Variants in CCSER2 observed in about 807,000 individuals in gnomAD.
CCSER2 encodes serine-rich coiled-coil domain-containing protein 2.
CCSER2 carries 46 observed loss-of-function variants against 92.3 expected under a neutral mutation model. The ratio of observed to expected loss-of-function variants is 0.50; its 90% CI spans 0.39 to 0.64. The LOEUF (loss-of-function observed/expected upper bound fraction) is 0.64, where lower values mean the gene tolerates loss of function less well. Among genes scored for constraint, CCSER2 ranks in the 30% least tolerant of loss-of-function variants. The pLI is 0.00. For synonymous variants in CCSER2, 433 were observed against 431.4 expected, an observed-to-expected ratio of 1.00 and a Z score of -0.04; for missense variants, 1,244 against 1,238.9, an observed-to-expected ratio of 1.00 and a Z score of -0.06.
intron 1 of CCSER2, among the ~76,000 whole-genome samples, chr10:84,337,930 C>T (rs942791075): frequency 1.3e-5 from 2 of 152,166 alleles, no homozygotes; most frequent in Non-Finnish European, 2.9e-5. Context: ...AAGGTGAACA[C>T]TGAGTAGTTA....
intron 3 of CCSER2, 143 bp from the exon 4 acceptor site, chr10:84,417,628 T>A (rs1842947829): frequency 2.2e-6 from 1 of 458,956 alleles, no homozygotes; most frequent in Non-Finnish European, 3.9e-6. Flanking sequence ...TTTTTATTTT[T>A]AAAAAACTTG....
intron 3 of CCSER2, among the ~76,000 whole-genome samples, chr10:84,374,430 C>T (rs545423118): frequency 2.5e-4 from 38 of 152,278 alleles, no homozygotes; most frequent in Admixed American, 1.1e-3. Context: ...GATTTTGGGG[C>T]TTGACCATCT....
intron 3 of CCSER2, among the ~76,000 whole-genome samples, chr10:84,405,143 A>G (rs1842315841): frequency 6.6e-6 from 1 of 152,252 alleles, no homozygotes; most frequent in African/African-American, 2.4e-5. Context: ...ATGGAACGTA[A>G]TAGAGGCTCC....
chr10:84,380,477 C>T (rs932705114), intron 3 of CCSER2, among the ~76,000 whole-genome samples: 4 of 152,046 alleles, frequency 2.6e-5, no homozygotes, highest in Non-Finnish European at 5.9e-5. Context: ...ACAATTAAAT[C>T]TAGTAATGTT....
At chr10:84,497,319 G>C (rs1848505698) in intron 9 of CCSER2, among the ~76,000 whole-genome samples, 1 of 152,242 alleles carries the variant, frequency 6.6e-6, no homozygotes, top group Non-Finnish European at 1.5e-5. Flanking sequence ...GAAATAAAAT[G>C]AGTAACATTC....
At chr10:84,415,027 A>C (rs116195025) in intron 3 of CCSER2, among the ~76,000 whole-genome samples, 2 of 152,114 alleles carry the variant, frequency 1.3e-5, no homozygotes, top group Admixed American at 1.3e-4. Context: ...TCAACCAGCT[A>C]TTTTGACTAT....
In CCSER2 at chr10:84,437,469, G is replaced by C. The variant is rs558532429; in HGVS notation, c.1869-1043G>C. On this transcript the variant is annotated intron_variant, in intron 5 of 9. Transcript: ENST00000372088. ...GCAGAGGTTACAATGAGCCAAGATC[G>C]TACCATTGCGCTCCAGCCTGGATGA... is the stretch of plus-strand genomic sequence containing the variant. 3.3e-5 allele frequency among the ~76,000 whole-genome samples: 5 copies of C among 151,776 alleles called. No homozygotes were observed. In the East Asian group the frequency reaches 9.7e-4, roughly 30 times the overall value.
intron 7 of CCSER2, among the ~76,000 whole-genome samples, chr10:84,466,768 C>A (rs770024936): frequency 1.3e-5 from 2 of 152,012 alleles, no homozygotes; most frequent in African/African-American, 2.4e-5. Flanking sequence ...CCGCCTCGGC[C>A]TCCCAAAGTG....
chr10:84,338,391 A>G (rs1843968057), intron 1 of CCSER2, among the ~76,000 whole-genome samples: 1 of 152,082 alleles, frequency 6.6e-6, no homozygotes, highest in African/African-American at 2.4e-5. Flanking sequence ...CTCAGCTTCC[A>G]GCTTACTTTT....
chr10:84,469,762 A>C (rs2133703181), intron 7 of CCSER2, among the ~76,000 whole-genome samples: 2 of 152,266 alleles, frequency 1.3e-5, no homozygotes, highest in Middle Eastern at 3.4e-3. Flanking sequence ...GGCATTTCTT[A>C]TAGATCCAAT....
At chr10:84,463,618 GA>G (rs1256716651) in intron 6 of CCSER2, among the ~76,000 whole-genome samples, 1 of 152,142 alleles carries the variant, frequency 6.6e-6, no homozygotes, top group Non-Finnish European at 1.5e-5. Flanking sequence ...TTTCCTAGGT[GA>G]AACAGTCTTA....
At chr10:84,471,559 A>G (rs1324958349) in intron 8 of CCSER2, among the ~76,000 whole-genome samples, 2 of 152,132 alleles carry the variant, frequency 1.3e-5, no homozygotes, top group Admixed American at 6.5e-5. Context: ...ATACAAAGGT[A>G]AATTCTGACC....
chr10:84,332,415 TA>T (rs1564571590), intron 1 of CCSER2, among the ~76,000 whole-genome samples: 84 of 76,396 alleles, frequency 1.1e-3, no homozygotes, highest in African/African-American at 3.2e-3. Flanking sequence ...TATTTTTTTA[TA>T]TATATATATA....
At chr10:84,389,379 G>T in intron 3 of CCSER2, 1 of 513,492 alleles carries the variant, frequency 1.9e-6, no homozygotes, top group South Asian at 1.4e-5. Flanking sequence ...ATATTTTCCT[G>T]TTTCTTTCTG....
chr10:84,511,565 C>A (rs1282768689), intron 9 of CCSER2, among the ~76,000 whole-genome samples: 1 of 152,122 alleles, frequency 6.6e-6, no homozygotes, highest in East Asian at 1.9e-4. Context: ...TCTTAAATTG[C>A]TTTAAGAGTT....
chr10:84,381,468 A>G (rs879901473), intron 3 of CCSER2, among the ~76,000 whole-genome samples: 23 of 152,300 alleles, frequency 1.5e-4, no homozygotes, highest in Non-Finnish European at 2.8e-4. Context: ...TTCATAAATG[A>G]TAAGAGCACA....
chr10:84,508,322 A>T (rs1849173681), intron 9 of CCSER2, among the ~76,000 whole-genome samples: 1 of 152,206 alleles, frequency 6.6e-6, no homozygotes, highest in Admixed American at 6.5e-5. Context: ...AGCCCAGAGT[A>T]TGACATTTCT....
At chr10:84,346,178 C>T (rs1044503794) in intron 1 of CCSER2, among the ~76,000 whole-genome samples, 3 of 152,186 alleles carry the variant, frequency 2.0e-5, no homozygotes, top group African/African-American at 4.8e-5. Flanking sequence ...GATTCTTCTG[C>T]CTCAGCCTCC....
intron 9 of CCSER2, among the ~76,000 whole-genome samples, chr10:84,502,778 T>C (rs1848833294): frequency 2.0e-5 from 3 of 152,184 alleles, no homozygotes; most frequent in Non-Finnish European, 4.4e-5. Flanking sequence ...AGTTTGTTGT[T>C]TTTTAAGTTA....
Sources: allele counts gnomAD v4.1 joint callset (sites outside exome capture counted in the v4.1 genomes callset), GRCh38; gene constraint gnomAD v4.1.1; transcripts MANE v1.5; gene names NCBI Gene and HGNC (gene_info 2026-07-23, HGNC 2026-07-21).